The following UBASH3A variants were observed in gnomAD, a reference collection of about 807,000 sequenced individuals.
UBASH3A encodes the protein ubiquitin associated and SH3 domain containing A.
In UBASH3A, 63 loss-of-function variants were observed where a neutral mutation model predicts 73.5. The observed-to-expected ratio is 0.86, with a 90% CI of 0.70 to 1.06. The LOEUF (loss-of-function observed/expected upper bound fraction) is 1.06, where lower values mean the gene tolerates loss of function less well. Among genes scored for constraint, UBASH3A ranks in the 50% least tolerant of loss-of-function variants. The probability of loss-of-function intolerance (pLI) is 0.00; values close to 1 mark genes in which losing one functional copy is unlikely to be tolerated. For missense variants in UBASH3A, 860 were observed against 859.0 expected, an observed-to-expected ratio of 1.00 and a Z score of -0.02; for synonymous variants, 363 against 351.1, an observed-to-expected ratio of 1.03 and a Z score of -0.38.
chr21:42,420,230 G>A (rs1487020880), intron 7 of UBASH3A, among the ~76,000 whole-genome samples: 1 of 152,136 alleles, frequency 6.6e-6, no homozygotes, highest in Non-Finnish European at 1.5e-5. Flanking sequence ...GATATAAAAT[G>A]CTGTAGTATT....
In UBASH3A at chr21:42,445,064, C is replaced by T. The variant is rs2053822862; in HGVS notation, c.1848+421C>T. Among the ~76,000 whole-genome samples, 2 of 152,174 alleles carry T rather than the reference C, an allele frequency of 1.3e-5. 1 individual carries two copies. Among genetic ancestry groups the T allele is most frequent in the South Asian group, 4.1e-4 (2 of 4,832 alleles). ...TTGATCCTCTTGCCCTTGGAGTCAC[C>T]CAGCATGGAAGAAGCTTGAGCTGGT... is the stretch of plus-strand genomic sequence containing the variant. On this transcript the variant is annotated intron_variant, in intron 14 of 14. Coordinates refer to ENST00000319294, the MANE Select transcript of UBASH3A (RefSeq NM_018961.4).
At chr21:42,427,267 A>G (rs1175771000) in intron 8 of UBASH3A, among the ~76,000 whole-genome samples, 2 of 152,158 alleles carry the variant, frequency 1.3e-5, no homozygotes, top group Non-Finnish European at 2.9e-5. Flanking sequence ...CACATCCAGG[A>G]GTGCAGGCTG....
intron 14 of UBASH3A, among the ~76,000 whole-genome samples, chr21:42,445,379 G>A (rs1175003267): frequency 2.6e-5 from 4 of 152,258 alleles, no homozygotes; most frequent in African/African-American, 4.8e-5. Flanking sequence ...CATAGACAAT[G>A]CCTGTCATCG....
chr21:42,446,703 G>A (rs866818773), intron 14 of UBASH3A, among the ~76,000 whole-genome samples: 1 of 152,224 alleles, frequency 6.6e-6, no homozygotes, highest in Non-Finnish European at 1.5e-5. Flanking sequence ...CTCCTTAAGT[G>A]GTGGATGGCA....
intron 10 of UBASH3A, among the ~76,000 whole-genome samples, chr21:42,435,940 T>G (rs183692043): frequency 2.2e-3 from 337 of 151,964 alleles, no homozygotes; most frequent in Non-Finnish European, 4.0e-3. Context: ...CATAGAGTTA[T>G]AGAGTTAGTT....
At chr21:42,408,520 A>G (rs1170828790) in intron 2 of UBASH3A, among the ~76,000 whole-genome samples, 2 of 152,198 alleles carry the variant, frequency 1.3e-5, no homozygotes, top group African/African-American at 4.8e-5. Context: ...TAAGACTCTC[A>G]ATACCTATTG....
At chr21:42,420,882 C>T (rs1284289340) in intron 7 of UBASH3A, among the ~76,000 whole-genome samples, 2 of 152,208 alleles carry the variant, frequency 1.3e-5, no homozygotes, top group East Asian at 1.9e-4. Flanking sequence ...GTAAAATCTC[C>T]TTCCAGCAGC....
intron 9 of UBASH3A, among the ~76,000 whole-genome samples, chr21:42,432,506 C>T (rs762722927): frequency 6.6e-5 from 10 of 152,160 alleles, no homozygotes; most frequent in Non-Finnish European, 1.5e-4. Context: ...CAGCTTTTCT[C>T]CTCTGAATGC....
rs1401587851 is a variant in UBASH3A, at chr21:42,403,961, A to T, written c.16A>T (p.Thr6Ser). Reference sequence around the variant, plus strand: ...GCAGGAAGAGATGGCAGCGGGGGAGACGCAGCTCTACGCCAAGGTCTCCAA... The same window carrying T: ...GCAGGAAGAGATGGCAGCGGGGGAGTCGCAGCTCTACGCCAAGGTCTCCAA... The part of the protein sequence containing the change: MAAGE[T>S]QLYAKVSNKL... The change falls in exon 1 of 15, where the codon ACG (threonine) becomes TCG (serine). Residue 6 changes from threonine to serine, a missense_variant. Thr to Ser is a moderately conservative substitution (Grantham distance 58). Coordinates refer to ENST00000319294, the MANE Select transcript of UBASH3A (RefSeq NM_018961.4). 1 of 1,514,336 alleles carries T rather than the reference A, an allele frequency of 6.6e-7. No individual in the cohort carries two copies. Among genetic ancestry groups the T allele is most frequent in the Admixed American group, 2.1e-5 (1 of 48,340 alleles). 93.8% of individuals were successfully genotyped at this position (1,514,336 alleles called of 1,614,324 possible).
At chr21:42,432,930 T>C (rs978281993) in intron 9 of UBASH3A, among the ~76,000 whole-genome samples, 2 of 152,118 alleles carry the variant, frequency 1.3e-5, no homozygotes, top group African/African-American at 4.8e-5. Context: ...AATAAGACAA[T>C]AGGTGGCTAT....
intron 13 of UBASH3A, among the ~76,000 whole-genome samples, chr21:42,443,694 C>T (rs1034295810): frequency 9.3e-5 from 14 of 149,854 alleles, no homozygotes; most frequent in African/African-American, 9.9e-5. Flanking sequence ...GGAAATTGGC[C>T]GATTTTCTGA....
At chr21:42,412,650 G>C (rs1019090743) in intron 3 of UBASH3A, among the ~76,000 whole-genome samples, 2 of 152,144 alleles carry the variant, frequency 1.3e-5, no homozygotes, top group African/African-American at 4.8e-5. Context: ...GAGTCTGCTA[G>C]AAACCTCCAG....
At chr21:42,439,512 C>T (rs2053690159) in intron 11 of UBASH3A, among the ~76,000 whole-genome samples, 1 of 152,146 alleles carries the variant, frequency 6.6e-6, no homozygotes, top group Non-Finnish European at 1.5e-5. Context: ...TTGACCAAAC[C>T]ACGAAAGGAC....
intron 7 of UBASH3A, among the ~76,000 whole-genome samples, chr21:42,422,920 G>A (rs2053365469): frequency 6.6e-6 from 1 of 152,174 alleles, no homozygotes; most frequent in South Asian, 2.1e-4. Flanking sequence ...GGTGTTGGGA[G>A]TGGGAGCCAG....
chr21:42,422,453 T>G (rs966276651), intron 7 of UBASH3A, among the ~76,000 whole-genome samples: 4 of 152,222 alleles, frequency 2.6e-5, no homozygotes, highest in Non-Finnish European at 4.4e-5. Context: ...TGATCCATTT[T>G]ATAGTTGATG....
At chr21:42,407,658 G>A (rs2053005031) in intron 2 of UBASH3A, among the ~76,000 whole-genome samples, 1 of 152,118 alleles carries the variant, frequency 6.6e-6, no homozygotes, top group South Asian at 2.1e-4. Flanking sequence ...AGGGAAGCAG[G>A]GCCTCACACG....
At chr21:42,429,408 G>A (rs139997236) in intron 8 of UBASH3A, among the ~76,000 whole-genome samples, 19 of 152,270 alleles carry the variant, frequency 1.2e-4, no homozygotes, top group Middle Eastern at 3.4e-3. Flanking sequence ...ACTCCCCACA[G>A]GGCTTTCTTT....
Position 42,443,341 on chromosome 21 carries a change from C to T in UBASH3A, c.1661C>T (p.Pro554Leu), listed in dbSNP as rs982276714. ...RPAFPLSALM[P>L]AESYQEYMDR... ...GCGTTTCCCCTGTCCGCCCTCATGC[C>T]GGCCGAGAGCTACCAGGAGTACATG... The change falls in exon 13 of 15, where the codon CCG becomes CTG. Residue 554 changes from proline to leucine, a missense_variant. Physicochemically the swap from Pro to Leu is moderately conservative, Grantham distance 98. Transcript: ENST00000319294. 18 of 1,613,172 alleles carry T rather than the reference C, an allele frequency of 1.1e-5. No individual in the cohort carries two copies. Among genetic ancestry groups the T allele is most frequent in the East Asian group, 6.7e-5 (3 of 44,830 alleles).
rs139310273 is a variant in UBASH3A at position 42,444,604 on chromosome 21, G to A, written c.1809G>A (p.Pro603=). The A allele has an allele frequency of 1.0e-4, 161 of 1,614,058 alleles. No individual in the cohort carries two copies. The highest frequency in any genetic ancestry group is 1.2e-4 in the Non-Finnish European group (146 of 1,180,022). Residue 603 remains proline (P), a synonymous_variant, in exon 14 of 15, where the codon CCG becomes CCA. Coordinates refer to ENST00000319294, the MANE Select transcript of UBASH3A (RefSeq NM_018961.4). ...GCACGCGGCCACTGCTCGGGCTGCCGCCCCGGGAATGTGGGGATTTTGCCC... is the reference window on the plus strand; with the variant it reads ...GCACGCGGCCACTGCTCGGGCTGCCACCCCGGGAATGTGGGGATTTTGCCC... The part of the protein sequence containing the change: ...DSCTRPLLGL[P]PRECGDFAQL...
Sources: gnomAD v4.1 joint callset for allele counts (sites outside exome capture counted in the v4.1 genomes callset) on GRCh38, gnomAD v4.1.1 for gene constraint, MANE v1.5 for transcripts, NCBI Gene and HGNC (gene_info 2026-07-23, HGNC 2026-07-21) for gene names.